The following FMN1 variants were observed in gnomAD, a reference collection of about 807,000 sequenced individuals.
FMN1 encodes the protein formin-1.
Under a neutral mutation model 132.4 loss-of-function variants are expected in FMN1, and 110 were observed. The observed-to-expected ratio is 0.83, with a 90% confidence interval of 0.71 to 0.97. The LOEUF (loss-of-function observed/expected upper bound fraction) is 0.97, where lower values mean the gene tolerates loss of function less well. Ranked by LOEUF, FMN1 falls within the 50% of genes least tolerant of loss-of-function variation. FMN1 has a pLI of 0.00. For missense variants in FMN1, 1,792 were observed against 1,705.3 expected, an observed-to-expected ratio of 1.05 and a Z score of -0.90; for synonymous variants, 722 against 651.7, an observed-to-expected ratio of 1.11 and a Z score of -1.64.
intron 5 of FMN1, among the ~76,000 whole-genome samples, chr15:33,084,829 C>T (rs1242154641): frequency 6.6e-6 from 1 of 152,176 alleles, no homozygotes; most frequent in East Asian, 1.9e-4. Flanking sequence ...CAGTGTCCAT[C>T]CTGACTCACG....
At chr15:32,781,106 T>C (rs2056648122) in intron 19 of FMN1, among the ~76,000 whole-genome samples, 1 of 152,218 alleles carries the variant, frequency 6.6e-6, no homozygotes, top group Admixed American at 6.5e-5. Context: ...TGCATGTTAA[T>C]AGTTATAATT....
chr15:33,004,351 AAAAC>A (rs1046374638), intron 7 of FMN1, among the ~76,000 whole-genome samples: 2 of 151,930 alleles, frequency 1.3e-5, no homozygotes, highest in African/African-American at 2.4e-5. Context: ...TTACAAGAAA[AAAAC>A]AACCCCATCA....
intron 19 of FMN1, among the ~76,000 whole-genome samples, chr15:32,794,811 T>C (rs2057224507): frequency 1.3e-5 from 2 of 152,186 alleles, no homozygotes; most frequent in Admixed American, 6.5e-5. Context: ...AAACCTTGGA[T>C]TATGATACAT....
chr15:32,906,210 C>T (rs969103389), intron 12 of FMN1, among the ~76,000 whole-genome samples: 2 of 152,114 alleles, frequency 1.3e-5, no homozygotes, highest in Non-Finnish European at 2.9e-5. Flanking sequence ...AAGGGCTGCT[C>T]GGTGGTTAAG....
intron 4 of FMN1, among the ~76,000 whole-genome samples, chr15:33,123,538 T>C (rs1293297385): frequency 6.6e-6 from 1 of 152,154 alleles, no homozygotes; most frequent in African/African-American, 2.4e-5. Context: ...AGGCCTAGAA[T>C]CTATTTCACC....
chr15:32,922,937 C>A (rs2060869248), intron 10 of FMN1, among the ~76,000 whole-genome samples: 1 of 152,102 alleles, frequency 6.6e-6, no homozygotes, highest in South Asian at 2.1e-4. Context: ...GGGAAAATGG[C>A]AGGTAGAGGC....
chr15:32,972,770 C>G (rs575287118), intron 7 of FMN1, among the ~76,000 whole-genome samples: 14 of 152,258 alleles, frequency 9.2e-5, no homozygotes, highest in Admixed American at 9.2e-4. Context: ...TACCTTCAAA[C>G]TTGGTACCTT....
At chr15:32,952,958 C>T (rs1191260261) in intron 9 of FMN1, among the ~76,000 whole-genome samples, 1 of 152,204 alleles carries the variant, frequency 6.6e-6, no homozygotes, top group Non-Finnish European at 1.5e-5. Context: ...CTTTTCCACC[C>T]TCTTCTTTCC....
chr15:33,068,262 G>A (rs1049050345), intron 5 of FMN1: 8 of 182,928 alleles, frequency 4.4e-5, no homozygotes, highest in Non-Finnish European at 8.1e-5. Flanking sequence ...AGGACTTCAC[G>A]AGGAGCTCCG....
chr15:32,889,814 T>C (rs916307697), intron 15 of FMN1, among the ~76,000 whole-genome samples: 2 of 152,236 alleles, frequency 1.3e-5, no homozygotes, highest in African/African-American at 4.8e-5. Context: ...AGAGGTGGTA[T>C]TTGGTTACAT....
chr15:33,058,414 TAA>T (rs1441201560), intron 6 of FMN1, among the ~76,000 whole-genome samples: 1 of 152,142 alleles, frequency 6.6e-6, no homozygotes, highest in Non-Finnish European at 1.5e-5. Flanking sequence ...ACTGTTAAAA[TAA>T]AAATGTTTGC....
intron 7 of FMN1, among the ~76,000 whole-genome samples, chr15:32,984,314 T>C (rs1422866823): frequency 6.6e-6 from 1 of 152,188 alleles, no homozygotes; most frequent in East Asian, 1.9e-4. Flanking sequence ...TTCTTAGTTT[T>C]AAAGAACACC....
chr15:32,839,940 C>G (rs748578109), intron 17 of FMN1, among the ~76,000 whole-genome samples: 1 of 152,190 alleles, frequency 6.6e-6, no homozygotes, highest in African/African-American at 2.4e-5. Flanking sequence ...GAGATCTACA[C>G]CGCTAAGTCA....
chr15:32,849,916 C>A (rs1327166620), intron 17 of FMN1, among the ~76,000 whole-genome samples: 1 of 152,208 alleles, frequency 6.6e-6, no homozygotes, highest in East Asian at 1.9e-4. Flanking sequence ...CTTGGCCTCC[C>A]AAAGTGCAGG....
Position 32,884,685 on chromosome 15 carries a change from T to C in FMN1, c.3835+3487A>G, listed in dbSNP as rs1455248348. ...CAAAGAGGGAGAATGAAAGTAACTATTGCCATTGTTTGTGTTTTCTCAATT... is the reference window on the plus strand; with the variant it reads ...CAAAGAGGGAGAATGAAAGTAACTACTGCCATTGTTTGTGTTTTCTCAATT... On this transcript the variant is annotated intron_variant, in intron 16 of 20. Coordinates refer to ENST00000616417, the MANE Select transcript of FMN1 (RefSeq NM_001277313.2). 2.0e-5 allele frequency among the ~76,000 whole-genome samples: 3 copies of C among 152,342 alleles called. No homozygotes were observed. The South Asian group carries it at 6.2e-4, about 32-fold the overall frequency.
At chr15:32,997,892 CA>C (rs1405675614) in intron 7 of FMN1, among the ~76,000 whole-genome samples, 3 of 152,138 alleles carry the variant, frequency 2.0e-5, no homozygotes, top group Admixed American at 2.0e-4. Flanking sequence ...AGAAAAGACA[CA>C]AATGTAAATG....
At chr15:33,140,191 TAAAC>T (rs1963948545) in intron 4 of FMN1, among the ~76,000 whole-genome samples, 1 of 60,544 alleles carries the variant, frequency 1.7e-5, no homozygotes, top group African/African-American at 6.2e-5. Flanking sequence ...CACCTATGGT[TAAAC>T]ACACACACAC....
intron 5 of FMN1, among the ~76,000 whole-genome samples, chr15:33,086,896 G>T (rs2038717283): frequency 6.6e-6 from 1 of 152,186 alleles, no homozygotes; most frequent in African/African-American, 2.4e-5. Flanking sequence ...ATGGTTTTAT[G>T]GTTATGAAAA....
At chr15:33,110,459 G>GT (rs2039658330) in intron 4 of FMN1, among the ~76,000 whole-genome samples, 2 of 145,360 alleles carry the variant, frequency 1.4e-5, no homozygotes, top group Non-Finnish European at 2.9e-5. Context: ...GATAATGGAA[G>GT]GTTTTTTTCG....
Sources: gnomAD v4.1 joint callset for allele counts (sites outside exome capture counted in the v4.1 genomes callset) on GRCh38, gnomAD v4.1.1 for gene constraint, MANE v1.5 for transcripts, NCBI Gene and HGNC (gene_info 2026-07-23, HGNC 2026-07-21) for gene names.